Variants in TRIM10 observed in about 807,000 individuals in gnomAD.
TRIM10 encodes the protein tripartite motif-containing protein 10.
A neutral mutation model predicts 40.0 loss-of-function variants in TRIM10; 42 were observed. The observed-to-expected ratio is 1.05, with a 90% confidence interval of 0.82 to 1.36. TRIM10 has a LOEUF of 1.36. Among genes scored for constraint, TRIM10 ranks in the 40% most tolerant of loss-of-function variants. The pLI, the probability that TRIM10 is intolerant of heterozygous loss-of-function variation, is 0.00. For missense variants in TRIM10, 601 were observed against 608.3 expected, an observed-to-expected ratio of 0.99 and a Z score of 0.13; for synonymous variants, 260 against 239.5, an observed-to-expected ratio of 1.09 and a Z score of -0.79.
At chr6:30,157,077 G>A (rs1772614120) in intron 4 of TRIM10, 23 bp from the exon 5 acceptor site, 1 of 1,606,200 alleles carries the variant, frequency 6.2e-7, no homozygotes, top group South Asian at 1.1e-5. Context: ...AAATGGCTGG[G>A]TCTGGGAATT....
Position 30,153,475 on chromosome 6 carries a change from T to C in TRIM10, c.*494A>G, listed in dbSNP as rs539037834. On this transcript the variant is annotated 3_prime_UTR_variant, in exon 7 of 7. Coordinates refer to ENST00000449742, the MANE Select transcript of TRIM10 (RefSeq NM_006778.4). Reference sequence around the variant, plus strand: ...TCAGATATAGAGCAGGTTTTTTTTTTCTCTATATTTTCAAGTCACCAGTGG... The same window carrying C: ...TCAGATATAGAGCAGGTTTTTTTTTCCTCTATATTTTCAAGTCACCAGTGG... 3.6e-4 allele frequency: 206 copies of C among 565,754 alleles called. No homozygotes were observed. Among genetic ancestry groups the C allele is most frequent in the African/African-American group, 3.6e-3 (193 of 53,518 alleles). 35.0% of individuals were successfully genotyped at this position (565,754 alleles called of 1,614,324 possible). A position where few individuals can be genotyped will look rare whatever the true frequency, so the allele number is the denominator to read the frequency against.
chr6:30,156,876 G>A, intron 5 of TRIM10, 63 bp downstream of exon 5: 3 of 1,423,384 alleles, frequency 2.1e-6, no homozygotes, highest in East Asian at 2.3e-5. Flanking sequence ...GGAGCGTGGA[G>A]GCCACTCCTA....
intron 4 of TRIM10, 151 bp from the exon 5 acceptor site, chr6:30,157,205 C>T (rs2127441335): frequency 8.9e-7 from 1 of 1,128,182 alleles, no homozygotes; most frequent in Non-Finnish European, 1.3e-6. Flanking sequence ...CATTTTTGGG[C>T]ATCTATGGAT....
upstream of TRIM10, chr6:30,163,887 C>A (rs1349685832): frequency 6.2e-7 from 1 of 1,613,066 alleles, no homozygotes; most frequent in Admixed American, 1.7e-5. Flanking sequence ...CAGGCAGAGA[C>A]TCCCATGGCC....
At chr6:30,161,998 G>T (rs1047785034), upstream of TRIM10, among the ~76,000 whole-genome samples, 1 of 151,986 alleles carries the variant, frequency 6.6e-6, no homozygotes, top group Non-Finnish European at 1.5e-5. Context: ...TGTGTTGGCC[G>T]GGCGCGGTGG....
At chr6:30,154,560 C>A (rs1472930403) in intron 6 of TRIM10, 74 bp from the exon 7 acceptor site, 4 of 1,568,532 alleles carry the variant, frequency 2.6e-6, no homozygotes, top group Non-Finnish European at 3.5e-6. Context: ...GAAACTCCCC[C>A]TGGGCCCCTC....
chr6:30,154,264 A>G lies in TRIM10; in HGVS notation c.1151T>C (p.Val384Ala). 1 of 1,612,960 alleles carries G rather than the reference A, an allele frequency of 6.2e-7. No individual in the cohort carries two copies. Among genetic ancestry groups the G allele is most frequent in the Non-Finnish European group, 8.5e-7 (1 of 1,180,000 alleles). The part of the protein sequence containing the change: ...AHGGSCTVGV[V>A]SEDVQRKGEL... ...CCCCTTCCGCTGCACATCCTCGCTC[A>G]CCACGCCCACGGTGCAGCTGCCCCC... Residue 384 changes from valine (V) to alanine (A), a missense_variant, in exon 7 of 7, where the codon GTG becomes GCG. Transcript: ENST00000449742.
intron 4 of TRIM10, 123 bp downstream of exon 4, chr6:30,157,246 G>T: frequency 8.5e-7 from 1 of 1,176,350 alleles, no homozygotes; most frequent in Non-Finnish European, 1.2e-6. Flanking sequence ...GTATATAGAG[G>T]TTTATATGTA....
Position 30,154,364 on chromosome 6 carries a change from C to A in TRIM10, c.1051G>T (p.Ala351Ser). Reference sequence around the variant, plus strand: ...CCAGTGTGGGCCAGAACACAGGTGGCCCGGTCAAAACGTTGGGGGTTGTCT... The same window carrying A: ...CCAGTGTGGGCCAGAACACAGGTGGACCGGTCAAAACGTTGGGGGTTGTCT... The part of the protein sequence containing the change: ...SPDNPQRFDR[A>S]TCVLAHTGIT... The change falls in exon 7 of 7, where the codon GCC (alanine) becomes TCC (serine). Residue 351 changes from alanine to serine, a missense_variant. By Grantham distance (99) the Ala-to-Ser change is moderately conservative (BLOSUM62 1). Coordinates refer to ENST00000449742, the MANE Select transcript of TRIM10 (RefSeq NM_006778.4). 2.5e-6 allele frequency: 4 copies of A among 1,613,052 alleles called. No homozygotes were observed. The highest frequency in any genetic ancestry group is 3.4e-6 in the Non-Finnish European group (4 of 1,180,026).
At chr6:30,155,317 T>C (rs996002783) in intron 6 of TRIM10, among the ~76,000 whole-genome samples, 3 of 152,156 alleles carry the variant, frequency 2.0e-5, no homozygotes, top group East Asian at 3.9e-4. Flanking sequence ...CCTTACGTTC[T>C]AAAGAGGTGA....
At position 30,157,403 on chromosome 6, in the gene TRIM10, A is replaced by G. The variant is rs1265181639; in HGVS notation, c.757-12T>C. On this transcript the variant is annotated splice_polypyrimidine_tract_variant and intron_variant, in intron 3 of 6. Transcript: ENST00000449742. ...GTGCTTCTGATGTCCTAGGAGAAAG[A>G]GATACCAGAAATTCAGTTTCCAGCT... 2 of 1,592,946 alleles carry G rather than the reference A, an allele frequency of 1.3e-6. No homozygotes were observed. The highest frequency in any genetic ancestry group is 2.3e-5 in the South Asian group (2 of 86,726).
At position 30,154,284 on chromosome 6, in the gene TRIM10, GCCC is replaced by G. The variant is rs751786063; in HGVS notation, c.1128_1130del (p.Gly377del). The G allele has an allele frequency of 2.2e-5, 36 of 1,612,650 alleles. No homozygotes were observed. Among genetic ancestry groups the G allele is most frequent in the Non-Finnish European group, 3.1e-5 (36 of 1,179,766 alleles). ...CGCTCACCACGCCCACGGTGCAGCT[GCCC>G]CCATGGGCCAGGTCTATACTCACCA... On this transcript the variant is annotated inframe_deletion, in exon 7 of 7. Coordinates refer to ENST00000449742, the MANE Select transcript of TRIM10 (RefSeq NM_006778.4).
chr6:30,157,664 T>TTTC (rs1562122338), intron 3 of TRIM10, among the ~76,000 whole-genome samples: 74 of 135,564 alleles, frequency 5.5e-4, no homozygotes, highest in African/African-American at 1.9e-3. Context: ...TTTCTTTTTT[T>TTTC]TTTTTTTTTT....
At position 30,154,294 on chromosome 6, in the gene TRIM10, G is replaced by A; in HGVS notation, c.1121C>T (p.Ala374Val). ...RHTWVVSIDL[A>V]HGGSCTVGVV... The stretch of plus-strand genomic sequence containing the variant: ...GCCCACGGTGCAGCTGCCCCCATGG[G>A]CCAGGTCTATACTCACCACCCACGT... Residue 374 changes from alanine to valine, a missense_variant, in exon 7 of 7, where the codon GCC becomes GTC. Physicochemically the swap from Ala to Val is moderately conservative, Grantham distance 64 (BLOSUM62 0). Coordinates refer to ENST00000449742, the MANE Select transcript of TRIM10 (RefSeq NM_006778.4). 3 of 1,613,076 alleles carry A rather than the reference G, an allele frequency of 1.9e-6. No individual in the cohort carries two copies. Among genetic ancestry groups the A allele is most frequent in the Non-Finnish European group, 1.7e-6 (2 of 1,180,024 alleles).
At chr6:30,160,140 C>T (rs1772935250) in intron 1 of TRIM10, among the ~76,000 whole-genome samples, 1 of 152,200 alleles carries the variant, frequency 6.6e-6, no homozygotes, top group Non-Finnish European at 1.5e-5. Context: ...ATGCAAACTT[C>T]AGACACACCT....
Position 30,158,579 on chromosome 6 carries a change from C to T in TRIM10, c.576G>A (p.Leu192=). Residue 192 remains leucine, a synonymous_variant, in exon 3 of 7, where the codon CTG becomes CTA. Coordinates refer to ENST00000449742, the MANE Select transcript of TRIM10 (RefSeq NM_006778.4). ...TCTGCTGTTCCTCTAGAAACTTCCT[C>T]AGGTGTGCGAACTCAGAAATCACCT... ...RQQVISEFAH[L]RKFLEEQQSI... is the part of the protein sequence containing the mutation. The T allele has an allele frequency of 1.2e-6, 2 of 1,613,056 alleles. No homozygotes were observed. Among genetic ancestry groups the T allele is most frequent in the Non-Finnish European group, 1.7e-6 (2 of 1,180,030 alleles).
At position 30,160,591 on chromosome 6, in the gene TRIM10, T is replaced by C. The variant is rs1772991875; in HGVS notation, c.268A>G (p.Thr90Ala). ...ENIERLQLVS[T>A]LGLGEEDVCQ... ...ACATCCTCCTCTCCCAAACCCAGTG[T>C]GGACACCAGCTGGAGGCGCTCAATG... The change falls in exon 1 of 7, where the codon ACA (threonine) becomes GCA (alanine). Residue 90 changes from threonine (T) to alanine (A), a missense_variant. Thr to Ala is a moderately conservative substitution (Grantham distance 58). Transcript: ENST00000449742. The C allele has an allele frequency of 2.5e-6, 4 of 1,614,102 alleles. No individual in the cohort carries two copies. In the South Asian group the frequency reaches 3.3e-5, roughly 13 times the overall value.
chr6:30,155,873 G>T (rs1331923121), intron 5 of TRIM10, 114 bp from the exon 6 acceptor site: 10 of 983,864 alleles, frequency 1.0e-5, no homozygotes, highest in African/African-American at 1.6e-5. Context: ...AAGAATGTAA[G>T]CTGGAATCCT....
rs137941157 is a variant in TRIM10, at chr6:30,154,129, C to T, written c.1286G>A (p.Arg429Gln). Residue 429 changes from arginine to glutamine, a missense_variant, in exon 7 of 7, where the codon CGG (arginine) becomes CAG (glutamine). Physicochemically the swap from Arg to Gln is conservative, Grantham distance 43. Coordinates refer to ENST00000449742, the MANE Select transcript of TRIM10 (RefSeq NM_006778.4). ...ATAGTCAAGAGACACCCTCACCTGC[C>T]GGGGCTGCTCCTTCAGGGTCAGCCG... ...PTRLTLKEQP[R>Q]QVRVSLDYEV... The T allele has an allele frequency of 5.0e-6, 8 of 1,612,820 alleles. No individual in the cohort carries two copies. The highest frequency in any genetic ancestry group is 4.0e-5 in the African/African-American group (3 of 74,892).
Sources: allele counts gnomAD v4.1 joint callset (sites outside exome capture counted in the v4.1 genomes callset), GRCh38; gene constraint gnomAD v4.1.1; transcripts MANE v1.5; gene names NCBI Gene and HGNC (gene_info 2026-07-23, HGNC 2026-07-21).